GAS2L1: variants seen among roughly 807,000 people sequenced by gnomAD.
GAS2L1 encodes the protein growth arrest specific 2 like 1, also known as GAS2-like protein 1.
GAS2L1 carries 26 observed loss-of-function variants against 44.0 expected under a neutral mutation model. The ratio of observed to expected loss-of-function variants is 0.59; its 90% CI spans 0.43 to 0.82. GAS2L1 has a LOEUF of 0.82. Ranked by LOEUF, GAS2L1 falls within the 40% of genes least tolerant of loss-of-function variation. The pLI, the probability that GAS2L1 is intolerant of heterozygous loss-of-function variation, is 0.00. For synonymous variants in GAS2L1, 426 were observed against 415.9 expected (o/e 1.02, Z -0.30); for missense variants, 1,006 against 983.0 (o/e 1.02, Z -0.31).
exon 5 of GAS2L1, chr22:29,312,284 G>T (rs746039596): frequency 1.9e-6 from 3 of 1,609,220 alleles, no homozygotes; most frequent in Non-Finnish European, 2.5e-6. Flanking sequence ...GCCCTGGCAT[G>T]GGGGGGCCAC....
Position 29,311,912 on chromosome 22 carries a change from G to A in GAS2L1, c.1461G>A (p.Arg487=), listed in dbSNP as rs1488011363. 5 of 1,602,718 alleles carry A rather than the reference G, an allele frequency of 3.1e-6. No homozygotes were observed. The East Asian group carries it at 1.1e-4, about 36-fold the overall frequency. Residue 487 remains arginine, a synonymous_variant, in exon 5 of 5, where the codon CGG becomes CGA. Coordinates refer to ENST00000618518, the Ensembl canonical transcript of GAS2L1. The stretch of plus-strand genomic sequence containing the variant: ...GCCCTGCAGCACCCCGGCTTTCCCG[G>A]GTCTCCAGCCCCAGTCCAGAGTTGG...
intron 1 of GAS2L1, 80 bp downstream of exon 2, chr22:29,308,818 C>G: frequency 8.8e-7 from 1 of 1,142,170 alleles, no homozygotes; most frequent in Non-Finnish European, 1.2e-6. Context: ...TCCCAGGGTC[C>G]ACCCTGCTAT....
intron 1 of GAS2L1, 73 bp from the exon 3 acceptor site, chr22:29,310,366 C>A: frequency 1.2e-6 from 1 of 833,248 alleles, no homozygotes; most frequent in Non-Finnish European, 2.0e-6. Context: ...TCCTCCTGAC[C>A]CTGGAATGGC....
At chr22:29,312,200 T>C (rs1237436229) in exon 5 of GAS2L1, 7 of 1,612,968 alleles carry the variant, frequency 4.3e-6, no homozygotes, top group Non-Finnish European at 5.1e-6. Flanking sequence ...CTGGGGACTC[T>C]GGCCGGACGG....
exon 5 of GAS2L1, chr22:29,312,537 T>A (rs754073400): frequency 7.1e-7 from 1 of 1,409,618 alleles, no homozygotes; most frequent in Non-Finnish European, 9.4e-7. Flanking sequence ...TCCCTTCTCC[T>A]TTTCCTTTGT....
chr22:29,308,114 C>G, exon 1 of GAS2L1: 1 of 1,563,052 alleles, frequency 6.4e-7, no homozygotes, highest in Non-Finnish European at 8.7e-7. Context: ...GCATGGCAGA[C>G]CCAGTGGCGG....
At chr22:29,311,575 G>A (rs1569141713) in exon 5 of GAS2L1, 4 of 1,541,898 alleles carry the variant, frequency 2.6e-6, no homozygotes, top group Non-Finnish European at 3.5e-6. Context: ...GATGACACAG[G>A]CACTGGCCCC....
At chr22:29,310,462 C>T (rs747813076) in exon 2 of GAS2L1, 2 of 1,608,600 alleles carry the variant, frequency 1.2e-6, no homozygotes, top group Admixed American at 1.7e-5. Flanking sequence ...TGGGCCGCTG[C>T]ACCTGCCCTG....
At chr22:29,312,285 G>T in exon 5 of GAS2L1, 1 of 1,609,682 alleles carries the variant, frequency 6.2e-7, no homozygotes, top group Non-Finnish European at 8.5e-7. Flanking sequence ...CCCTGGCATG[G>T]GGGGGCCACT....
intron 1 of GAS2L1, 127 bp from the exon 3 acceptor site, chr22:29,310,311 TC>T (rs1438494385): frequency 1.1e-5 from 7 of 646,370 alleles, no homozygotes; most frequent in African/African-American, 7.4e-5. Flanking sequence ...CTGTACCCCA[TC>T]CGGGGCAACA....
At chr22:29,311,952 A>G in exon 5 of GAS2L1, 1 of 1,607,268 alleles carries the variant, frequency 6.2e-7, no homozygotes, top group Non-Finnish European at 8.5e-7. Context: ...CACACCGGCC[A>G]GCATCTTCCG....
exon 5 of GAS2L1, chr22:29,311,507 C>A: frequency 1.3e-6 from 2 of 1,531,520 alleles, no homozygotes; most frequent in Non-Finnish European, 1.8e-6. Context: ...GCCGCTACTC[C>A]GGGGACAGTG....
exon 1 of GAS2L1, chr22:29,308,355 G>A (rs753551617): frequency 6.2e-7 from 1 of 1,605,380 alleles, no homozygotes; most frequent in Admixed American, 1.7e-5. Context: ...CCCGGCCCGA[G>A]GTGTGGCCTT....
exon 1 of GAS2L1, chr22:29,308,577 G>A: frequency 1.3e-6 from 2 of 1,599,522 alleles, no homozygotes; most frequent in Non-Finnish European, 1.7e-6. Flanking sequence ...CCCACGCCTC[G>A]TGCAGTTTGA....
chr22:29,308,658 A>G lies in GAS2L1; in HGVS notation c.553A>G (p.Thr185Ala), dbSNP rs762725485. ...CGCCCCTGCCGCTGGGGAGGACACC[A>G]CTGAAACCGCCCCCGCACCAGGGAC... The change falls in exon 1 of 5, where the codon ACT becomes GCT. Residue 185 changes from threonine (T) to alanine (A), a missense_variant. Physicochemically the swap from Thr to Ala is moderately conservative, Grantham distance 58 (BLOSUM62 0). Transcript: ENST00000618518. 3.2e-6 allele frequency: 5 copies of G among 1,550,314 alleles called. No homozygotes were observed. The highest frequency in any genetic ancestry group is 1.4e-5 in the African/African-American group (1 of 73,220).
rs185526267 is a variant in GAS2L1 at position 29,309,587 on chromosome 22, C to T, written c.633+849C>T. Among the ~76,000 whole-genome samples, 46 of 152,342 alleles carry T rather than the reference C, an allele frequency of 3.0e-4. No individual in the cohort carries two copies. In the East Asian group the frequency reaches 8.3e-3, roughly 27 times the overall value. ...ACCACTGCCGCTGTGGGCGGGGAGGCGGGCAGGGCTGCCCACATAGCCAGC... is the reference window on the plus strand; with the variant it reads ...ACCACTGCCGCTGTGGGCGGGGAGGTGGGCAGGGCTGCCCACATAGCCAGC... On this transcript the variant is annotated intron_variant, in intron 1 of 4. Transcript: ENST00000618518.
exon 1 of GAS2L1, chr22:29,308,193 A>G: frequency 6.2e-7 from 1 of 1,608,374 alleles, no homozygotes; most frequent in Non-Finnish European, 8.5e-7. Flanking sequence ...GGAGGCCATG[A>G]AGGAGGACCT....
intron 4 of GAS2L1, 194 bp from the exon 6 acceptor site, chr22:29,311,268 T>A (rs748604694): frequency 3.2e-4 from 182 of 574,086 alleles, no homozygotes; most frequent in Non-Finnish European, 5.2e-4. Flanking sequence ...CCAGGAAACT[T>A]CTTCTTCCGT....
chr22:29,308,835 AAC>A, intron 1 of GAS2L1, 97 bp downstream of exon 2: 1 of 978,476 alleles, frequency 1.0e-6, no homozygotes, highest in Middle Eastern at 3.4e-4. Flanking sequence ...CTATCTGCAG[AAC>A]AGTCTGCCCC....
Sources: gnomAD v4.1 joint callset for allele counts (sites outside exome capture counted in the v4.1 genomes callset) on GRCh38, gnomAD v4.1.1 for gene constraint, MANE v1.5 for transcripts, NCBI Gene and HGNC (gene_info 2026-07-23, HGNC 2026-07-21) for gene names.